EIF4G3: variants seen among roughly 807,000 people sequenced by gnomAD.
EIF4G3 encodes eIF-4-gamma 3.
Under a neutral mutation model 186.4 loss-of-function variants are expected in EIF4G3, and 34 were observed. That is an observed-to-expected ratio of 0.18 (90% CI 0.14 to 0.24). EIF4G3 has a LOEUF of 0.24. EIF4G3 is among the 10% of genes least tolerant of loss of function. EIF4G3 has a pLI of 1.00. For missense variants in EIF4G3, 1,536 were observed against 1,948.5 expected (o/e 0.79, Z 3.99); for synonymous variants, 673 against 679.5 (o/e 0.99, Z 0.15).
rs535230886 is a variant in EIF4G3, at chr1:20,995,249, G to A, written c.177+2352C>T. ...CCACTATTATCGAACCCAAGTAGCA[G>A]AAACATAACCTTAAAGTTTCTTCTA... is the stretch of plus-strand genomic sequence containing the variant. On this transcript the variant is annotated intron_variant, in intron 7 of 36. Coordinates refer to ENST00000602326, the MANE Select transcript of EIF4G3 (RefSeq NM_001391906.1). Among the ~76,000 whole-genome samples the A allele has an allele frequency of 2.6e-5, 4 of 152,260 alleles. No individual in the cohort carries two copies. In the South Asian group the frequency reaches 8.3e-4, roughly 32 times the overall value.
At position 20,962,725 on chromosome 1, in the gene EIF4G3, T is replaced by C. The variant is rs36095778; in HGVS notation, c.714+6749A>G. Among the ~76,000 whole-genome samples, 1,044 of 152,164 alleles carry C rather than the reference T, an allele frequency of 6.9e-3. 13 individuals carry two copies. The highest frequency in any genetic ancestry group is 0.023 in the African/African-American group (962 of 41,500). ...AATTACTTTTTACTATGAGGCACAA[T>C]TTACAGGAGAGATGAACTGCTCATC... On this transcript the variant is annotated intron_variant, in intron 12 of 36. Coordinates refer to ENST00000602326, the MANE Select transcript of EIF4G3 (RefSeq NM_001391906.1).
At chr1:21,080,929 T>C (rs1431035506) in intron 3 of EIF4G3, among the ~76,000 whole-genome samples, 1 of 151,924 alleles carries the variant, frequency 6.6e-6, no homozygotes, top group Non-Finnish European at 1.5e-5. Flanking sequence ...ATATTAAAAA[T>C]ACTAGCCTGA....
intron 20 of EIF4G3, among the ~76,000 whole-genome samples, chr1:20,878,743 G>A (rs2081526181): frequency 6.6e-6 from 1 of 152,214 alleles, no homozygotes; most frequent in Admixed American, 6.5e-5. Flanking sequence ...CTGTGGAATA[G>A]AGGACAATGA....
chr1:20,859,393 C>A (rs1037238455), intron 24 of EIF4G3, among the ~76,000 whole-genome samples: 1 of 152,192 alleles, frequency 6.6e-6, no homozygotes, highest in African/African-American at 2.4e-5. Context: ...ATGCAGAATT[C>A]ATCTCTCCTA....
chr1:21,062,982 G>A (rs2095007860), intron 3 of EIF4G3, among the ~76,000 whole-genome samples: 1 of 152,132 alleles, frequency 6.6e-6, no homozygotes, highest in African/African-American at 2.4e-5. Context: ...AAACCAGTTT[G>A]ATATGATTCC....
At chr1:21,047,806 T>G (rs2093981380) in intron 4 of EIF4G3, among the ~76,000 whole-genome samples, 1 of 152,180 alleles carries the variant, frequency 6.6e-6, no homozygotes, top group African/African-American at 2.4e-5. Context: ...TAAAAAAAAC[T>G]TGAGTTTCCC....
chr1:21,167,316 A>T (rs2097872257), intron 2 of EIF4G3, among the ~76,000 whole-genome samples: 1 of 152,118 alleles, frequency 6.6e-6, no homozygotes, highest in Admixed American at 6.6e-5. Context: ...TCCCGCATGA[A>T]TCCCTGTGGT....
chr1:21,048,610 A>T (rs1231529040), intron 4 of EIF4G3, among the ~76,000 whole-genome samples: 1 of 152,206 alleles, frequency 6.6e-6, no homozygotes, highest in Non-Finnish European at 1.5e-5. Flanking sequence ...CCAGCAGCCA[A>T]GAGCTACCCC....
chr1:21,150,409 T>C (rs1042775126), intron 2 of EIF4G3, among the ~76,000 whole-genome samples: 7 of 152,188 alleles, frequency 4.6e-5, no homozygotes, highest in Admixed American at 4.6e-4. Context: ...CATGGCGTCA[T>C]GAAAAATTTG....
intron 2 of EIF4G3, among the ~76,000 whole-genome samples, chr1:21,149,130 A>G (rs1183161071): frequency 5.9e-5 from 9 of 152,134 alleles, no homozygotes. Flanking sequence ...TAATATATCA[A>G]TATGTTAAAA....
intron 4 of EIF4G3, among the ~76,000 whole-genome samples, chr1:21,017,820 C>T (rs2089624762): frequency 6.6e-6 from 1 of 151,844 alleles, no homozygotes; most frequent in Non-Finnish European, 1.5e-5. Flanking sequence ...AATCTGAAAT[C>T]CAAAACTCTT....
At chr1:20,974,018 T>C (rs1220155337) in intron 10 of EIF4G3, among the ~76,000 whole-genome samples, 1 of 152,112 alleles carries the variant, frequency 6.6e-6, no homozygotes, top group Admixed American at 6.6e-5. Context: ...CTCTTTCAGT[T>C]TTATGCCTGA....
intron 3 of EIF4G3, among the ~76,000 whole-genome samples, chr1:21,082,517 T>C (rs2095820747): frequency 6.6e-6 from 1 of 151,964 alleles, no homozygotes; most frequent in South Asian, 2.1e-4. Context: ...ACCCAGGAGA[T>C]GGAGGTTGCA....
chr1:21,041,781 C>G (rs1295043371), intron 4 of EIF4G3, among the ~76,000 whole-genome samples: 1 of 152,030 alleles, frequency 6.6e-6, no homozygotes, highest in African/African-American at 2.4e-5. Flanking sequence ...ACAAGGGAGA[C>G]AGAATTTAGA....
chr1:20,822,136 A>C (rs1005044751), intron 33 of EIF4G3, among the ~76,000 whole-genome samples: 2 of 152,130 alleles, frequency 1.3e-5, no homozygotes, highest in African/African-American at 2.4e-5. Context: ...TCGGCCTCTC[A>C]AAGTGCTGGA....
intron 2 of EIF4G3, among the ~76,000 whole-genome samples, chr1:21,157,160 A>C (rs1260461591): frequency 6.6e-6 from 1 of 152,112 alleles, no homozygotes; most frequent in Non-Finnish European, 1.5e-5. Context: ...ATCCCAGTGG[A>C]TCTTCGGACT....
intron 30 of EIF4G3, among the ~76,000 whole-genome samples, chr1:20,836,302 G>T (rs2066745624): frequency 6.6e-6 from 1 of 152,074 alleles, no homozygotes; most frequent in Admixed American, 6.6e-5. Flanking sequence ...GGGGTGCAGT[G>T]ATGCTCTCGC....
In EIF4G3 at chr1:20,849,525, G is replaced by A. The variant is rs1312307736; in HGVS notation, c.3778C>T (p.Pro1260Ser). 2 of 1,518,316 alleles carry A rather than the reference G, an allele frequency of 1.3e-6. No individual in the cohort carries two copies. Among genetic ancestry groups the A allele is most frequent in the East Asian group, 2.4e-5 (1 of 40,964 alleles). 94.1% of individuals were successfully genotyped at this position (1,518,316 alleles called of 1,614,324 possible). A position where few individuals can be genotyped will look rare whatever the true frequency, so the allele number is the denominator to read the frequency against. ...ERNKTRESAK[P>S]EISAMSAHDK... ...TGAGCTGACATTGCTGAAATTTCTG[G>A]TTTTGCTATTAGTGAGGCCCCCCAA... The change falls in exon 29 of 37, where the codon CCA becomes TCA. Residue 1260 changes from proline to serine, a missense_variant. By Grantham distance (74) the Pro-to-Ser change is moderately conservative. Around this residue, in one of 11 missense-constraint regions of EIF4G3, gnomAD observed 395 missense variants for 498.9 expected, o/e 0.79. Transcript: ENST00000602326.
intron 13 of EIF4G3, among the ~76,000 whole-genome samples, chr1:20,946,648 T>C (rs1360977851): frequency 6.6e-6 from 1 of 152,196 alleles, no homozygotes; most frequent in African/African-American, 2.4e-5. Flanking sequence ...ACATTGTCCC[T>C]TTTAATTCTC....
Sources: allele counts gnomAD v4.1 joint callset (sites outside exome capture counted in the v4.1 genomes callset), GRCh38; gene constraint gnomAD v4.1.1; regional missense constraint gnomAD v4.1.1; transcripts MANE v1.5; gene names NCBI Gene and HGNC (gene_info 2026-07-23, HGNC 2026-07-21).